Variants in AKAP13 observed in about 807,000 individuals in gnomAD.
AKAP13 encodes A-kinase anchor protein 13.
Under a neutral mutation model 264.5 loss-of-function variants are expected in AKAP13, and 80 were observed. The ratio of observed to expected loss-of-function variants is 0.30; its 90% CI spans 0.25 to 0.36. AKAP13 has a LOEUF of 0.36. AKAP13 is among the 10% of genes least tolerant of loss of function. The pLI, the probability that AKAP13 is intolerant of heterozygous loss-of-function variation, is 1.00. For missense variants in AKAP13, 3,712 were observed against 3,435.2 expected (o/e 1.08, Z -2.01); for synonymous variants, 1,380 against 1,250.2 (o/e 1.10, Z -2.19).
At chr15:85,687,706 G>A (rs1442043559) in intron 16 of AKAP13, among the ~76,000 whole-genome samples, 1 of 151,902 alleles carries the variant, frequency 6.6e-6, no homozygotes, top group East Asian at 1.9e-4. Context: ...AAATAAAATT[G>A]GAACAGCTTG....
chr15:85,407,803 G>C (rs2071749143), intron 1 of AKAP13, among the ~76,000 whole-genome samples: 1 of 151,668 alleles, frequency 6.6e-6, no homozygotes, highest in Admixed American at 6.6e-5. Flanking sequence ...AGGATAGTCT[G>C]GTTTTGTTTT....
chr15:85,702,215 T>G (rs2085960600), intron 17 of AKAP13: 2 of 150,408 alleles, frequency 1.3e-5, no homozygotes, highest in South Asian at 2.1e-4. Context: ...CCATTGCACT[T>G]CAGCCTGGGT....
chr15:85,667,222 A>G (rs2083653445), intron 13 of AKAP13, among the ~76,000 whole-genome samples: 1 of 152,236 alleles, frequency 6.6e-6, no homozygotes, highest in Non-Finnish European at 1.5e-5. Flanking sequence ...TAAACTTGAC[A>G]CTGAAGGATT....
chr15:85,563,566 A>C (rs12442591), intron 5 of AKAP13, among the ~76,000 whole-genome samples: 131,916 of 151,984 alleles, frequency 0.87, 57,834 homozygotes, highest in East Asian at 0.98. Flanking sequence ...TCCTTGTTGC[A>C]TTCAAATTAC....
Position 85,727,543 on chromosome 15 carries a change from C to A in AKAP13, c.7087+80C>A. On this transcript the variant is annotated intron_variant, in intron 29 of 36. Coordinates refer to ENST00000394518, the MANE Select transcript of AKAP13 (RefSeq NM_007200.5). The surrounding 1 kb of genome is among the most constrained non-coding windows in gnomAD (Gnocchi z 5.3). ...AGACTGCTGGTGGATTTTAGAGGTA[C>A]GGGTTTGCCCTCAGTTCTAAAGCTG... is the stretch of plus-strand genomic sequence containing the variant. 1 of 1,511,052 alleles carries A rather than the reference C, an allele frequency of 6.6e-7. No individual in the cohort carries two copies. Among genetic ancestry groups the A allele is most frequent in the African/African-American group, 1.4e-5 (1 of 71,832 alleles). 93.6% of individuals were successfully genotyped at this position (1,511,052 alleles called of 1,614,324 possible). A position where few individuals can be genotyped will look rare whatever the true frequency, so the allele number is the denominator to read the frequency against.
chr15:85,509,000 C>A lies in AKAP13; in HGVS notation c.34-12428C>A, dbSNP rs77599009. Among the ~76,000 whole-genome samples the A allele has an allele frequency of 6.6e-3, 1,001 of 152,218 alleles. 10 individuals are homozygous for A. The highest frequency in any genetic ancestry group is 0.023 in the African/African-American group (947 of 41,540). ...TTTAACCCCTTTATGCTGTCTTACT[C>A]TTTCTAATAGAACTTTCCCTCTAAT... On this transcript the variant is annotated intron_variant, in intron 2 of 36. Coordinates refer to ENST00000394518, the MANE Select transcript of AKAP13 (RefSeq NM_007200.5).
rs190507714 is a variant in AKAP13, at chr15:85,427,809, A to G, written c.-12+47011A>G. Among the ~76,000 whole-genome samples, 104 of 152,352 alleles carry G rather than the reference A, an allele frequency of 6.8e-4. 1 individual carries two copies. The highest frequency in any genetic ancestry group is 2.9e-4 in the Non-Finnish European group (20 of 68,040). ...AATAAGCTTATGTTAGTCATAAGTG[A>G]CATGGCTGTCAGAGTTGCTAAGTTG... On this transcript the variant is annotated intron_variant, in intron 1 of 36. Coordinates refer to ENST00000394518, the MANE Select transcript of AKAP13 (RefSeq NM_007200.5).
At chr15:85,625,689 C>T (rs2081377241) in intron 8 of AKAP13, among the ~76,000 whole-genome samples, 1 of 152,104 alleles carries the variant, frequency 6.6e-6, no homozygotes, top group Non-Finnish European at 1.5e-5. Flanking sequence ...TAGCAAGACC[C>T]CCATCGCTTA....
chr15:85,443,692 G>A (rs1050625486), intron 1 of AKAP13, among the ~76,000 whole-genome samples: 1 of 151,930 alleles, frequency 6.6e-6, no homozygotes, highest in Non-Finnish European at 1.5e-5. Flanking sequence ...TGGTTGACTG[G>A]AAAGTCATTT....
chr15:85,389,895 G>A (rs2070767819), intron 1 of AKAP13: 1 of 152,222 alleles, frequency 6.6e-6, no homozygotes, highest in Non-Finnish European at 1.5e-5. Context: ...GTGATCTGGT[G>A]TTTTCATGTA....
intron 5 of AKAP13, among the ~76,000 whole-genome samples, chr15:85,557,474 G>GT (rs980190518): frequency 1.3e-4 from 20 of 151,838 alleles, no homozygotes; most frequent in Admixed American, 5.9e-4. Flanking sequence ...GTTAGGTGTG[G>GT]TTTTTTTTGT....
At chr15:85,459,530 C>T (rs562746415) in intron 1 of AKAP13, among the ~76,000 whole-genome samples, 99 of 151,306 alleles carry the variant, frequency 6.5e-4, no homozygotes, top group African/African-American at 2.3e-3. Context: ...GATGGAGTCT[C>T]GCTCTGTCGC....
At chr15:85,467,760 G>A (rs1596274061) in intron 1 of AKAP13, among the ~76,000 whole-genome samples, 1 of 152,186 alleles carries the variant, frequency 6.6e-6, no homozygotes, top group Non-Finnish European at 1.5e-5. Flanking sequence ...TGGCGAATGA[G>A]TGAATAACTA....
In AKAP13 at chr15:85,580,889, G is replaced by T; in HGVS notation, c.2821G>T (p.Ala941Ser). 1 of 1,614,176 alleles carries T rather than the reference G, an allele frequency of 6.2e-7. No homozygotes were observed. Among genetic ancestry groups the T allele is most frequent in the Non-Finnish European group, 8.5e-7 (1 of 1,180,018 alleles). Residue 941 changes from alanine to serine, a missense_variant, in exon 7 of 37, where the codon GCT becomes TCT. Around this residue, in one of 3 missense-constraint regions of AKAP13, gnomAD observed 2,759 missense variants for 2,411.7 expected, o/e 1.14. Coordinates refer to ENST00000394518, the MANE Select transcript of AKAP13 (RefSeq NM_007200.5). Reference sequence around the variant, plus strand: ...GACCTGTTCCTCTATTAAGGAAAATGCTCTCTCTTCAGGAACTTTGCAGGA... The same window carrying T: ...GACCTGTTCCTCTATTAAGGAAAATTCTCTCTCTTCAGGAACTTTGCAGGA... ...AVTCSSIKEN[A>S]LSSGTLQEEQ...
chr15:85,654,877 C>G (rs781177674), intron 10 of AKAP13, among the ~76,000 whole-genome samples: 21 of 151,724 alleles, frequency 1.4e-4, no homozygotes, highest in African/African-American at 4.8e-4. Flanking sequence ...AGTGTAGTAC[C>G]TCTAGTAAGA....
At chr15:85,572,959 G>A (rs560629396) in intron 5 of AKAP13, among the ~76,000 whole-genome samples, 3 of 152,126 alleles carry the variant, frequency 2.0e-5, no homozygotes, top group Admixed American at 6.5e-5. Context: ...TGAGAACGAT[G>A]GTTTCTAGCT....
At chr15:85,499,872 C>T (rs561881151) in intron 2 of AKAP13, among the ~76,000 whole-genome samples, 1 of 152,014 alleles carries the variant, frequency 6.6e-6, no homozygotes, top group Non-Finnish European at 1.5e-5. Flanking sequence ...TTATTATGTT[C>T]CTTGAGGGTA....
At chr15:85,600,318 TAAAA>T (rs5814205) in intron 8 of AKAP13, among the ~76,000 whole-genome samples, 14 of 134,296 alleles carry the variant, frequency 1.0e-4, no homozygotes, top group Non-Finnish European at 9.5e-5. Context: ...AGCTTAGATT[TAAAA>T]AAAAAAAAAA....
intron 1 of AKAP13, among the ~76,000 whole-genome samples, chr15:85,418,363 T>C (rs1168051771): frequency 3.9e-5 from 6 of 152,174 alleles, no homozygotes; most frequent in Non-Finnish European, 5.9e-5. Context: ...ATTACAGGGG[T>C]GAGCCACCAT....
Sources: gnomAD v4.1 joint callset for allele counts (sites outside exome capture counted in the v4.1 genomes callset) on GRCh38, gnomAD v4.1.1 for gene constraint, gnomAD v4.1.1 regional missense constraint, Gnocchi (gnomAD v3.1) non-coding constraint, MANE v1.5 for transcripts, NCBI Gene and HGNC (gene_info 2026-07-23, HGNC 2026-07-21) for gene names.